The following MILR1 variants were observed in gnomAD, a reference collection of about 807,000 sequenced individuals.
The protein encoded by MILR1 is mast cell immunoglobulin like receptor 1, also known as allergin-1.
In MILR1, 31 loss-of-function variants were observed where a neutral mutation model predicts 18.5. The observed-to-expected ratio is 1.68, with a 90% CI of 1.26 to 2.26. MILR1 has a LOEUF of 2.26. Ranked by LOEUF, MILR1 falls within the 30% of genes most tolerant of loss-of-function variation. MILR1 has a pLI of 0.00. For missense variants in MILR1, 257 were observed against 157.4 expected (o/e 1.63, Z -3.38); for synonymous variants, 85 against 56.2 (o/e 1.51, Z -2.30).
At chr17:64,489,361 T>TAA in the MILR1 span, among the ~76,000 whole-genome samples, 5 of 135,360 alleles carry the variant, frequency 3.7e-5, no homozygotes, top group Admixed American at 1.5e-4. Context: ...TGTTTTTTTT[T>TAA]AAAAAAAAAA....
At chr17:64,458,554 G>A (rs2037353816) in intron 4 of MILR1, among the ~76,000 whole-genome samples, 1 of 151,512 alleles carries the variant, frequency 6.6e-6, no homozygotes, top group Non-Finnish European at 1.5e-5. Context: ...CTGCTTGGCT[G>A]TTTATTGCTC....
At chr17:64,490,918 CT>C in the MILR1 span, 1 of 1,613,954 alleles carries the variant, frequency 6.2e-7, no homozygotes, top group Non-Finnish European at 8.5e-7. Context: ...CCTTTCCGGC[CT>C]TCTTCATCCT....
At chr17:64,450,479 TTTTG>T (rs1283745087) in intron 2 of MILR1, among the ~76,000 whole-genome samples, 3 of 152,146 alleles carry the variant, frequency 2.0e-5, no homozygotes, top group Admixed American at 6.6e-5. Context: ...CGTTATCTTT[TTTTG>T]TTTGTTTGTT....
the MILR1 span, chr17:64,480,279 C>G: frequency 3.0e-6 from 4 of 1,336,358 alleles, no homozygotes; most frequent in Non-Finnish European, 4.3e-6. Flanking sequence ...AATGAAAATA[C>G]AATTCTTACT....
intron 8 of MILR1, among the ~76,000 whole-genome samples, chr17:64,467,024 CTCTTTCTT>C (rs137981021): frequency 0.038 from 5,582 of 145,064 alleles, 367 homozygotes; most frequent in African/African-American, 0.13. Flanking sequence ...TTCTTTCTTT[CTCTTTCTT>C]TCTTTCTTTC....
chr17:64,493,014 C>T, the MILR1 span: 1 of 1,613,940 alleles, frequency 6.2e-7, no homozygotes, highest in Non-Finnish European at 8.5e-7. Context: ...CATAGTGTTC[C>T]AAGGCACCTG....
At chr17:64,473,972 T>C in the MILR1 span, among the ~76,000 whole-genome samples, 1 of 152,258 alleles carries the variant, frequency 6.6e-6, no homozygotes, top group Non-Finnish European at 1.5e-5. Flanking sequence ...AATTGTATCT[T>C]AATAAAACTG....
intron 3 of MILR1, among the ~76,000 whole-genome samples, chr17:64,456,186 G>A (rs1298969006): frequency 6.6e-6 from 1 of 152,102 alleles, no homozygotes; most frequent in Non-Finnish European, 1.5e-5. Flanking sequence ...CTGTGGAATG[G>A]GCATGATACT....
intron 2 of MILR1, among the ~76,000 whole-genome samples, chr17:64,451,205 G>A (rs2037164141): frequency 6.6e-6 from 1 of 151,630 alleles, no homozygotes; most frequent in Non-Finnish European, 1.5e-5. Context: ...GTGCAGTGGT[G>A]CGATCTTAGC....
At chr17:64,491,909 A>C in the MILR1 span, 1 of 190,216 alleles carries the variant, frequency 5.3e-6, no homozygotes, top group Non-Finnish European at 1.1e-5. Flanking sequence ...TCCAAATAAA[A>C]GATGACTGGT....
At chr17:64,471,127 C>A (rs2037681782), downstream of MILR1, among the ~76,000 whole-genome samples, 2 of 151,960 alleles carry the variant, frequency 1.3e-5, 1 homozygote, top group South Asian at 4.1e-4. Flanking sequence ...CTGGACCAGA[C>A]CTGAAAGCAG....
At chr17:64,495,944 G>C in the MILR1 span, among the ~76,000 whole-genome samples, 85 of 152,188 alleles carry the variant, frequency 5.6e-4, no homozygotes, top group African/African-American at 1.9e-3. Context: ...CCTGACCTCA[G>C]GTGATCCACC....
intron 5 of MILR1, among the ~76,000 whole-genome samples, chr17:64,462,052 T>G (rs1422109180): frequency 6.6e-6 from 1 of 152,232 alleles, no homozygotes. Context: ...GTCTATTGTT[T>G]AATAATGCTA....
At chr17:64,493,679 G>A in the MILR1 span, among the ~76,000 whole-genome samples, 95 of 152,094 alleles carry the variant, frequency 6.2e-4, no homozygotes, top group Middle Eastern at 6.8e-3. Flanking sequence ...GTAGAGACGG[G>A]GTTTCACCGT....
chr17:64,456,327 T>TAA, intron 3 of MILR1, among the ~76,000 whole-genome samples: 1 of 152,096 alleles, frequency 6.6e-6, no homozygotes, highest in South Asian at 2.1e-4. Context: ...TATATATATA[T>TAA]AATAAAATGT....
the MILR1 span, among the ~76,000 whole-genome samples, chr17:64,493,980 GT>G: frequency 6.6e-6 from 1 of 152,040 alleles, no homozygotes; most frequent in Admixed American, 6.5e-5. Flanking sequence ...ACCATAAAAA[GT>G]TAACCATAAT....
At chr17:64,454,944 T>G (rs1224139710) in intron 3 of MILR1, among the ~76,000 whole-genome samples, 1 of 152,026 alleles carries the variant, frequency 6.6e-6, no homozygotes, top group Non-Finnish European at 1.5e-5. Context: ...AAGGCTGCAG[T>G]GAGCTGTGAT....
At chr17:64,467,272 ATTTT>A (rs35879907) in intron 8 of MILR1, among the ~76,000 whole-genome samples, 2 of 141,634 alleles carry the variant, frequency 1.4e-5, no homozygotes. Context: ...TGTCTGACTA[ATTTT>A]TTTTTTTTTT....
intron 2 of MILR1, among the ~76,000 whole-genome samples, chr17:64,450,064 G>C (rs1207003526): frequency 1.3e-5 from 2 of 151,560 alleles, no homozygotes; most frequent in Admixed American, 1.3e-4. Flanking sequence ...TCAGCCTCCC[G>C]AGTAGCTGGG....
Sources: allele counts gnomAD v4.1 joint callset (sites outside exome capture counted in the v4.1 genomes callset), GRCh38; gene constraint gnomAD v4.1.1; transcripts MANE v1.5; gene names NCBI Gene and HGNC (gene_info 2026-07-23, HGNC 2026-07-21).